Variants in HTR2C observed in about 807,000 individuals in gnomAD.
HTR2C encodes the protein 5-hydroxytryptamine receptor 2C, also known as 5-hydroxytryptamine (serotonin) receptor 2C, G protein-coupled.
Under a neutral mutation model 21.0 loss-of-function variants are expected in HTR2C, and 5 were observed. That is an observed-to-expected ratio of 0.24 (90% confidence interval 0.12 to 0.50). HTR2C has a LOEUF of 0.50. Among genes scored for constraint, HTR2C ranks in the 20% least tolerant of loss-of-function variants. HTR2C has a pLI of 0.98. For synonymous variants in HTR2C, 150 were observed against 145.3 expected (o/e 1.03, Z -0.23); for missense variants, 271 against 371.2 (o/e 0.73, Z 2.22).
chrX:114,626,188 G>A (rs1426759742), intron 2 of HTR2C, among the ~76,000 whole-genome samples: 12 of 106,608 alleles, frequency 1.1e-4, no homozygotes, highest in African/African-American at 3.8e-4. Flanking sequence ...GGCCAGCCTA[G>A]GCAACATGTC....
At chrX:114,850,442 A>G (rs1556468925) in intron 5 of HTR2C, among the ~76,000 whole-genome samples, 1 of 110,984 alleles carries the variant, frequency 9.0e-6, no homozygotes, top group African/African-American at 3.3e-5. Flanking sequence ...TAAAAAATGA[A>G]AACCTAAGAA....
intron 2 of HTR2C, among the ~76,000 whole-genome samples, chrX:114,688,861 T>C (rs1278240710): frequency 9.1e-6 from 1 of 110,355 alleles, no homozygotes; most frequent in Non-Finnish European, 1.9e-5. Flanking sequence ...CAACATTTTC[T>C]GGGTACAGGT....
At chrX:114,797,683 A>C (rs1223272531) in intron 4 of HTR2C, among the ~76,000 whole-genome samples, 1 of 112,235 alleles carries the variant, frequency 8.9e-6, no homozygotes, top group African/African-American at 3.2e-5. Flanking sequence ...GTTGGCAACA[A>C]GTATTTAATC....
At chrX:114,905,627 A>G (rs972460535) in intron 5 of HTR2C, among the ~76,000 whole-genome samples, 7 of 111,581 alleles carry the variant, frequency 6.3e-5, no homozygotes, top group Non-Finnish European at 9.4e-5. Flanking sequence ...CACAAATACA[A>G]TCTGAACTTC....
At chrX:114,660,123 C>T (rs782035565) in intron 2 of HTR2C, among the ~76,000 whole-genome samples, 4 of 111,606 alleles carry the variant, frequency 3.6e-5, no homozygotes, top group Non-Finnish European at 5.7e-5. Flanking sequence ...GTATCTTTAA[C>T]GCCACAGATA....
chrX:114,821,345 T>C (rs1306229236), intron 4 of HTR2C, among the ~76,000 whole-genome samples: 1 of 111,761 alleles, frequency 8.9e-6, no homozygotes, highest in Non-Finnish European at 1.9e-5. Context: ...TGCTACATGA[T>C]GCTTTAAGAA....
chrX:114,791,927 T>C (rs1889272577), intron 4 of HTR2C, among the ~76,000 whole-genome samples: 1 of 111,599 alleles, frequency 9.0e-6, no homozygotes, highest in African/African-American at 3.3e-5. Context: ...TTTTCATTCA[T>C]TGTAGTCACA....
In HTR2C at chrX:114,704,419, A is replaced by G. The variant is rs782161567; in HGVS notation, c.-79-22439A>G. Among the ~76,000 whole-genome samples the G allele has an allele frequency of 9.8e-5, 11 of 111,804 alleles. No individual in the cohort carries two copies. In the East Asian group the frequency reaches 2.5e-3, roughly 26 times the overall value. ...GCTGGTTCAATATACACAAATCAAT[A>G]AATGTAATCCAGCATATAAACGGAA... is the stretch of plus-strand genomic sequence containing the variant. On this transcript the variant is annotated intron_variant, in intron 2 of 5. Transcript: ENST00000276198.
intron 1 of HTR2C, among the ~76,000 whole-genome samples, chrX:114,593,260 A>T (rs1732893179): frequency 9.0e-6 from 1 of 111,560 alleles, no homozygotes; most frequent in South Asian, 3.8e-4. Context: ...AGCACATTGT[A>T]TTACATTGTT....
chrX:114,644,376 T>A (rs1203155904), intron 2 of HTR2C, among the ~76,000 whole-genome samples: 3,032 of 56,932 alleles, frequency 0.053, 72 homozygotes, highest in Non-Finnish European at 0.084. Context: ...TATATATATA[T>A]ATATATATAT....
At chrX:114,597,606 G>A (rs782088335) in intron 1 of HTR2C, among the ~76,000 whole-genome samples, 5 of 111,786 alleles carry the variant, frequency 4.5e-5, no homozygotes, top group East Asian at 5.7e-4. Flanking sequence ...CATGTTTCAC[G>A]GTATGAGAAG....
intron 4 of HTR2C, among the ~76,000 whole-genome samples, chrX:114,748,534 A>C (rs2069727201): frequency 1.8e-5 from 2 of 112,175 alleles, no homozygotes; most frequent in South Asian, 7.4e-4. Flanking sequence ...GTAATCAAGA[A>C]GAATGGTATT....
At chrX:114,787,879 A>C (rs937582478) in intron 4 of HTR2C, among the ~76,000 whole-genome samples, 1 of 107,090 alleles carries the variant, frequency 9.3e-6, no homozygotes, top group Non-Finnish European at 1.9e-5. Context: ...CCCGGGAGGC[A>C]GAGCTTGCAG....
rs2070437069 is a variant in HTR2C, at chrX:114,806,393, CTGT to C, written c.350-41609_350-41607del. On this transcript the variant is annotated intron_variant, in intron 4 of 5. Coordinates refer to ENST00000276198, the MANE Select transcript of HTR2C (RefSeq NM_000868.4). ...TATATATACACACCATATATATATA[CTGT>C]ATATATATACACCATATATATATAC... is the stretch of plus-strand genomic sequence containing the variant. 2.1e-4 allele frequency among the ~76,000 whole-genome samples: 13 copies of C among 60,796 alleles called. 1 individual carries two copies. The highest frequency in any genetic ancestry group is 3.3e-4 in the Non-Finnish European group (11 of 33,832). 52.8% of individuals were successfully genotyped at this position (60,796 alleles called of 115,157 possible).
At chrX:114,836,935 A>T (rs1556464241) in intron 4 of HTR2C, among the ~76,000 whole-genome samples, 1 of 111,835 alleles carries the variant, frequency 8.9e-6, no homozygotes, top group Non-Finnish European at 1.9e-5. Flanking sequence ...TACTTTCATA[A>T]CACAGTAATA....
intron 4 of HTR2C, among the ~76,000 whole-genome samples, chrX:114,837,378 C>T (rs2070796261): frequency 9.0e-6 from 1 of 111,574 alleles, no homozygotes; most frequent in Non-Finnish European, 1.9e-5. Flanking sequence ...TTATATTTTT[C>T]CATAAGATTT....
At chrX:114,681,147 C>T (rs1355791121) in intron 2 of HTR2C, among the ~76,000 whole-genome samples, 3 of 111,647 alleles carry the variant, frequency 2.7e-5, no homozygotes, top group Non-Finnish European at 5.7e-5. Flanking sequence ...ATATTTAATA[C>T]ATTTCAGCAT....
intron 4 of HTR2C, among the ~76,000 whole-genome samples, chrX:114,737,019 T>C (rs1197288832): frequency 9.1e-6 from 1 of 109,991 alleles, no homozygotes; most frequent in Non-Finnish European, 1.9e-5. Flanking sequence ...TCCAATTACA[T>C]TTATTAGTAA....
chrX:114,593,333 C>T (rs782026143), intron 1 of HTR2C, among the ~76,000 whole-genome samples: 5 of 111,583 alleles, frequency 4.5e-5, no homozygotes, highest in South Asian at 3.8e-4. Context: ...TGGGCTCAAG[C>T]GAACCTACTG....
Sources: allele counts gnomAD v4.1 joint callset (sites outside exome capture counted in the v4.1 genomes callset), GRCh38; gene constraint gnomAD v4.1.1; transcripts MANE v1.5; gene names NCBI Gene and HGNC (gene_info 2026-07-23, HGNC 2026-07-21).